The following IL15 variants were observed in gnomAD, a reference collection of about 807,000 sequenced individuals.
IL15 encodes the protein interleukin-15.
Under a neutral mutation model 19.6 loss-of-function variants are expected in IL15, and 11 were observed. The ratio of observed to expected loss-of-function variants is 0.56; its 90% CI spans 0.35 to 0.93. The LOEUF is 0.93. IL15 is among the 40% of genes least tolerant of loss of function. IL15 has a pLI of 0.01. For missense variants in IL15, 197 were observed against 186.5 expected (o/e 1.06, Z -0.33); for synonymous variants, 58 against 59.6 (o/e 0.97, Z 0.12).
At chr4:141,654,103 C>G (rs1187275280) in intron 1 of IL15, among the ~76,000 whole-genome samples, 2 of 152,168 alleles carry the variant, frequency 1.3e-5, no homozygotes, top group Non-Finnish European at 2.9e-5. Flanking sequence ...CTTACTGGGG[C>G]ATGTTCTAAG....
chr4:141,669,547 T>C (rs573403371), intron 2 of IL15, among the ~76,000 whole-genome samples: 1 of 152,236 alleles, frequency 6.6e-6, no homozygotes, highest in East Asian at 1.9e-4. Context: ...CCAAGGATAA[T>C]GGCTGCATCA....
At chr4:141,729,230 T>C (rs1046729967) in intron 6 of IL15, among the ~76,000 whole-genome samples, 4 of 152,162 alleles carry the variant, frequency 2.6e-5, no homozygotes, top group Non-Finnish European at 5.9e-5. Flanking sequence ...AGTCAAATAA[T>C]GGTCAAATCC....
rs571706590 is a variant in IL15, at chr4:141,689,813, G to GGGGCTGCAGGTGGAGC, written c.-99-29552_-99-29537dup. 1.9e-3 allele frequency among the ~76,000 whole-genome samples: 293 copies of GGGGCTGCAGGTGGAGC among 152,350 alleles called. 2 individuals carry two copies. The highest frequency in any genetic ancestry group is 6.9e-3 in the African/African-American group (286 of 41,592). On this transcript the variant is annotated intron_variant, in intron 2 of 7. Coordinates refer to ENST00000320650, the MANE Select transcript of IL15 (RefSeq NM_000585.5). The stretch of plus-strand genomic sequence containing the variant: ...GGCTTCACCCAGTGGATCCCACACT[G>GGGGCTGCAGGTGGAGC]GGGCTGCAGGTGGAGCTGCCTGCCA...
chr4:141,713,507 A>G (rs1729775567), intron 2 of IL15, among the ~76,000 whole-genome samples: 1 of 152,226 alleles, frequency 6.6e-6, no homozygotes. Flanking sequence ...CTTGCAAAGC[A>G]TAAAACATTA....
Position 141,732,765 on chromosome 4 carries a change from T to A in IL15, c.406T>A (p.Cys136Ser). Residue 136 changes from cysteine to serine, a missense_variant, in exon 8 of 8, where the codon TGT becomes AGT. By Grantham distance (112) the Cys-to-Ser change is moderately radical. Transcript: ENST00000320650. ...GNVTESGCKE[C>S]EELEEKNIKE... is the part of the protein sequence containing the mutation. Reference sequence around the variant, plus strand: ...TGTAACAGAATCTGGATGCAAAGAATGTGAGGAACTGGAGGAAAAAAATAT... The same window carrying A: ...TGTAACAGAATCTGGATGCAAAGAAAGTGAGGAACTGGAGGAAAAAAATAT... 6.2e-7 allele frequency: 1 copy of A among 1,612,534 alleles called. No individual in the cohort carries two copies. Among genetic ancestry groups the A allele is most frequent in the Non-Finnish European group, 8.5e-7 (1 of 1,179,480 alleles).
At chr4:141,649,151 G>A (rs966885610) in intron 1 of IL15, among the ~76,000 whole-genome samples, 5 of 151,948 alleles carry the variant, frequency 3.3e-5, no homozygotes, top group South Asian at 4.1e-4. Flanking sequence ...TATCTCTTCC[G>A]TGCCCCCTTC....
chr4:141,693,034 A>AAAAAAAAAAAAAAAAAAAAAAAAAAAAAC (rs1728971914), intron 2 of IL15, among the ~76,000 whole-genome samples: 1 of 147,252 alleles, frequency 6.8e-6, no homozygotes, highest in Non-Finnish European at 1.5e-5. Flanking sequence ...AAAAAAAAAA[A>AAAAAAAAAAAAAAAAAAAAAAAAAAAAAC]AAAAAAAAGA....
In IL15 at chr4:141,698,061, T is replaced by A. The variant is rs6853246; in HGVS notation, c.-99-21305T>A. On this transcript the variant is annotated intron_variant, in intron 2 of 7. Coordinates refer to ENST00000320650, the MANE Select transcript of IL15 (RefSeq NM_000585.5). ...TTAATTATAAAGGGATGCTGGATTA[T>A]ATCAAATGCTTTTTCTGTGTCTATT... Among the ~76,000 whole-genome samples, 830 of 152,294 alleles carry A rather than the reference T, an allele frequency of 5.4e-3. 16 individuals carry two copies. The highest frequency in any genetic ancestry group is 0.019 in the African/African-American group (805 of 41,580).
chr4:141,639,815 G>A (rs2152148688), intron 1 of IL15, among the ~76,000 whole-genome samples: 1 of 152,272 alleles, frequency 6.6e-6, no homozygotes, highest in East Asian at 1.9e-4. Flanking sequence ...AATACTTGCT[G>A]CTGTCCTATA....
At chr4:141,640,702 G>T (rs1202539716) in intron 1 of IL15, among the ~76,000 whole-genome samples, 1 of 152,138 alleles carries the variant, frequency 6.6e-6, no homozygotes, top group East Asian at 1.9e-4. Context: ...GTATTTGTAT[G>T]CATTTATTTT....
At chr4:141,669,603 C>T (rs904000668) in intron 2 of IL15, among the ~76,000 whole-genome samples, 3 of 152,022 alleles carry the variant, frequency 2.0e-5, no homozygotes, top group Non-Finnish European at 2.9e-5. Flanking sequence ...AGAATGTTGT[C>T]TGGGTAGAAA....
At chr4:141,664,090 T>A (rs983262619) in intron 2 of IL15, among the ~76,000 whole-genome samples, 1 of 152,118 alleles carries the variant, frequency 6.6e-6, no homozygotes, top group African/African-American at 2.4e-5. Flanking sequence ...CAGATAAGGA[T>A]GCACAATTCT....
intron 5 of IL15, among the ~76,000 whole-genome samples, chr4:141,726,669 G>A (rs1344801232): frequency 6.6e-6 from 1 of 152,066 alleles, no homozygotes; most frequent in East Asian, 1.9e-4. Context: ...ATTTTTTCAT[G>A]ACTGCCAAAA....
chr4:141,724,789 T>A (rs1579054600), intron 5 of IL15, among the ~76,000 whole-genome samples: 2 of 152,212 alleles, frequency 1.3e-5, no homozygotes, highest in South Asian at 2.1e-4. Flanking sequence ...AATCACTAAA[T>A]ACATTGAATT....
intron 1 of IL15, among the ~76,000 whole-genome samples, chr4:141,642,458 C>G (rs908458085): frequency 6.6e-6 from 1 of 152,192 alleles, no homozygotes; most frequent in Non-Finnish European, 1.5e-5. Context: ...CTTTCCCACA[C>G]CCTCCCTTTG....
At chr4:141,657,853 C>T (rs936454798) in intron 2 of IL15, among the ~76,000 whole-genome samples, 4 of 151,978 alleles carry the variant, frequency 2.6e-5, no homozygotes, top group African/African-American at 9.7e-5. Flanking sequence ...AAGGAGTACA[C>T]CATACAATAA....
At chr4:141,660,564 T>A (rs762806705) in intron 2 of IL15, among the ~76,000 whole-genome samples, 1 of 152,190 alleles carries the variant, frequency 6.6e-6, no homozygotes, top group Non-Finnish European at 1.5e-5. Flanking sequence ...ACTAAACACA[T>A]GACTGTTAAC....
chr4:141,670,350 T>C lies in IL15; in HGVS notation c.-100+14043T>C, dbSNP rs998192010. Among the ~76,000 whole-genome samples, 12 of 152,228 alleles carry C rather than the reference T, an allele frequency of 7.9e-5. No homozygotes were observed. The East Asian group carries it at 2.3e-3, about 29-fold the overall frequency. ...AATTAGAATATTTATGCTTTAACTATGGGATTAAAGGGGGTTATAGCCTTT... is the reference window on the plus strand; with the variant it reads ...AATTAGAATATTTATGCTTTAACTACGGGATTAAAGGGGGTTATAGCCTTT... On this transcript the variant is annotated intron_variant, in intron 2 of 7. Transcript: ENST00000320650.
At chr4:141,702,735 C>T (rs2152182455) in intron 2 of IL15, among the ~76,000 whole-genome samples, 1 of 152,344 alleles carries the variant, frequency 6.6e-6, no homozygotes, top group South Asian at 2.1e-4. Context: ...GCTGCAGTAG[C>T]AGCAGTGGGA....
Sources: gnomAD v4.1 joint callset for allele counts (sites outside exome capture counted in the v4.1 genomes callset) on GRCh38, gnomAD v4.1.1 for gene constraint, MANE v1.5 for transcripts, NCBI Gene and HGNC (gene_info 2026-07-23, HGNC 2026-07-21) for gene names.